FBXO40: variants seen among roughly 807,000 people sequenced by gnomAD.
FBXO40 encodes the protein F-box only protein 40.
Under a neutral mutation model 49.9 loss-of-function variants are expected in FBXO40, and 50 were observed. That is an observed-to-expected ratio of 1.00 (90% confidence interval 0.80 to 1.27). The LOEUF is 1.27. FBXO40 is among the 50% of genes most tolerant of loss of function. FBXO40 has a pLI of 0.00. For synonymous variants in FBXO40, 340 were observed against 320.2 expected (o/e 1.06, Z -0.66); for missense variants, 895 against 870.1 (o/e 1.03, Z -0.36).
At chr3:121,604,736 A>G (rs1438444961) in intron 1 of FBXO40, among the ~76,000 whole-genome samples, 7 of 152,206 alleles carry the variant, frequency 4.6e-5, no homozygotes, top group African/African-American at 1.7e-4. Flanking sequence ...CCTTATGCAT[A>G]TAATACATTT....
Position 121,627,687 on chromosome 3 carries a change from G to GTT in FBXO40, c.*777_*778insTT. ...ACTTACTTTGTAACATTTTAATAAT[G>GTT]ACTTAAGGGTCAAGATTTTTTTCTT... On this transcript the variant is annotated 3_prime_UTR_variant, in exon 4 of 4. Transcript: ENST00000338040. 2.5e-6 allele frequency: 1 copy of GTT among 395,778 alleles called. No individual in the cohort carries two copies. The highest frequency in any genetic ancestry group is 4.4e-6 in the Non-Finnish European group (1 of 225,222). 24.5% of individuals were successfully genotyped at this position (395,778 alleles called of 1,614,324 possible).
chr3:121,611,156 C>T (rs745938588), intron 1 of FBXO40, among the ~76,000 whole-genome samples: 124 of 152,052 alleles, frequency 8.2e-4, no homozygotes, highest in East Asian at 3.9e-4. Flanking sequence ...TCGGGTGGGA[C>T]GAGAGACTGA....
chr3:121,613,318 C>G (rs1348278276), intron 1 of FBXO40, among the ~76,000 whole-genome samples: 1 of 152,136 alleles, frequency 6.6e-6, no homozygotes, highest in Non-Finnish European at 1.5e-5. Context: ...CCAGTAGGGT[C>G]CCCTTGTTCA....
At chr3:121,617,461 G>T (rs1218811162) in intron 1 of FBXO40, among the ~76,000 whole-genome samples, 2 of 151,976 alleles carry the variant, frequency 1.3e-5, no homozygotes, top group African/African-American at 4.8e-5. Flanking sequence ...TGGGCATGGT[G>T]GTGGGCACCT....
chr3:121,623,120 G>A lies in FBXO40; in HGVS notation c.1691G>A (p.Gly564Asp). ...SEGRKNNHLL[G>D]HGGKSQNSLT... is the part of the protein sequence containing the mutation. ...GGAAGGAAGAACAACCATCTTTTGG[G>A]TCATGGAGGAAAAAGCCAGAATTCT... The change falls in exon 3 of 4, where the codon GGT becomes GAT. Residue 564 changes from glycine (G) to aspartate (D), a missense_variant. Coordinates refer to ENST00000338040, the MANE Select transcript of FBXO40 (RefSeq NM_016298.4). The A allele has an allele frequency of 6.2e-7, 1 of 1,614,216 alleles. No individual in the cohort carries two copies. The highest frequency in any genetic ancestry group is 8.5e-7 in the Non-Finnish European group (1 of 1,180,044).
chr3:121,597,019 T>G (rs1243671067), intron 1 of FBXO40, among the ~76,000 whole-genome samples: 1 of 152,152 alleles, frequency 6.6e-6, no homozygotes, highest in African/African-American at 2.4e-5. Flanking sequence ...CTGTTGATAT[T>G]CCGGTCAGAC....
rs1297315126 is a variant in FBXO40 at position 121,628,718 on chromosome 3, A to T, written c.*1808A>T. ...AATCTTATCGCACATAGCTATCCAC[A>T]ATAGTTATGATTTAATGCAGCTCTT... is the stretch of plus-strand genomic sequence containing the variant. On this transcript the variant is annotated 3_prime_UTR_variant, in exon 4 of 4. Transcript: ENST00000338040. 6.6e-6 allele frequency: 1 copy of T among 152,180 alleles called. No individual in the cohort carries two copies. The highest frequency in any genetic ancestry group is 2.4e-5 in the African/African-American group (1 of 41,438). The allele number at this position is 152,180 out of a possible 1,614,324, so 9.4% of individuals were successfully genotyped here.
chr3:121,600,842 G>A (rs777537139), intron 1 of FBXO40, among the ~76,000 whole-genome samples: 1 of 152,188 alleles, frequency 6.6e-6, no homozygotes, highest in Non-Finnish European at 1.5e-5. Flanking sequence ...CTCTGCCTCC[G>A]TGACACCCAA....
intron 1 of FBXO40, among the ~76,000 whole-genome samples, chr3:121,615,200 C>CAAAAAA (rs11448457): frequency 1.4e-5 from 1 of 69,396 alleles, no homozygotes; most frequent in Non-Finnish European, 2.5e-5. Flanking sequence ...GAGAGCATCT[C>CAAAAAA]AAAAAAAAAA....
At chr3:121,604,820 A>G (rs1184176749) in intron 1 of FBXO40, among the ~76,000 whole-genome samples, 1 of 152,150 alleles carries the variant, frequency 6.6e-6, no homozygotes, top group African/African-American at 2.4e-5. Flanking sequence ...TGACCTCAAC[A>G]TGCCAGATAG....
chr3:121,620,116 C>A (rs906647701), intron 1 of FBXO40, among the ~76,000 whole-genome samples: 10 of 152,192 alleles, frequency 6.6e-5, no homozygotes, highest in African/African-American at 2.4e-4. Flanking sequence ...TCAGACTAAC[C>A]TCTAAGTGGA....
In FBXO40 at chr3:121,617,700, C is replaced by T. The variant is rs1482833979; in HGVS notation, c.-30-2846C>T. Reference sequence around the variant, plus strand: ...TAATGAACAATAATTTATTGTATATCTCAAAATAACTAAAAGAGGCCAGGC... The same window carrying T: ...TAATGAACAATAATTTATTGTATATTTCAAAATAACTAAAAGAGGCCAGGC... On this transcript the variant is annotated intron_variant, in intron 1 of 3. Coordinates refer to ENST00000338040, the MANE Select transcript of FBXO40 (RefSeq NM_016298.4). Among the ~76,000 whole-genome samples the T allele has an allele frequency of 3.3e-5, 5 of 150,662 alleles. No homozygotes were observed. The South Asian group carries it at 1.1e-3, about 32-fold the overall frequency.
At chr3:121,615,217 A>AT (rs1347272759) in intron 1 of FBXO40, among the ~76,000 whole-genome samples, 2 of 150,400 alleles carry the variant, frequency 1.3e-5, no homozygotes, top group East Asian at 3.9e-4. Flanking sequence ...AAAAAAAAAA[A>AT]AAAAGTAGCA....
chr3:121,620,630 C>T (rs757704341), intron 2 of FBXO40, 52 bp downstream of exon 2: 14 of 1,611,058 alleles, frequency 8.7e-6, no homozygotes, highest in Admixed American at 3.3e-5. Context: ...CCAGGTCTTC[C>T]TTCATTTATC....
Position 121,623,000 on chromosome 3 carries a change from A to C in FBXO40, c.1571A>C (p.His524Pro), listed in dbSNP as rs763123334. Reference sequence around the variant, plus strand: ...TTGGGATGTACATTTGTTCAAAACCATTTCCGTCCCCCAGGGCAAAAGGCA... The same window carrying C: ...TTGGGATGTACATTTGTTCAAAACCCTTTCCGTCCCCCAGGGCAAAAGGCA... The part of the protein sequence containing the change: ...AYLGCTFVQN[H>P]FRPPGQKAKV... Residue 524 changes from histidine to proline, a missense_variant, in exon 3 of 4, where the codon CAT becomes CCT. Transcript: ENST00000338040. 1 of 1,614,208 alleles carries C rather than the reference A, an allele frequency of 6.2e-7. No individual in the cohort carries two copies. The highest frequency in any genetic ancestry group is 1.1e-5 in the South Asian group (1 of 91,078).
Position 121,621,778 on chromosome 3 carries a change from A to G in FBXO40, c.349A>G (p.Lys117Glu). The G allele has an allele frequency of 3.1e-6, 5 of 1,614,234 alleles. No individual in the cohort carries two copies. The highest frequency in any genetic ancestry group is 4.2e-6 in the Non-Finnish European group (5 of 1,180,036). ...AACCACCCTTCATGAAAACATCATG[A>G]AAGAGACCCCCAGTGAGGAGTGTTT... ...SETTLHENIM[K>E]ETPSEECLDT... The change falls in exon 3 of 4, where the codon AAA becomes GAA. Residue 117 changes from lysine (K) to glutamate (E), a missense_variant. Physicochemically the swap from Lys to Glu is moderately conservative, Grantham distance 56. Transcript: ENST00000338040.
intron 1 of FBXO40, among the ~76,000 whole-genome samples, chr3:121,601,894 GC>G (rs1165692746): frequency 6.6e-6 from 1 of 152,184 alleles, no homozygotes; most frequent in Non-Finnish European, 1.5e-5. Context: ...CATTCTCTCA[GC>G]CAGGACAGGC....
rs1320726452 is a variant in FBXO40 at position 121,629,041 on chromosome 3, A to C, written c.*2131A>C. ...GGATAAAGAATTTAGCCAACAAAAG[A>C]AACAATCTAGTCAATCTGGGTGCTT... On this transcript the variant is annotated 3_prime_UTR_variant, in exon 4 of 4. Coordinates refer to ENST00000338040, the MANE Select transcript of FBXO40 (RefSeq NM_016298.4). 6.6e-6 allele frequency: 1 copy of C among 152,220 alleles called. No homozygotes were observed. The highest frequency in any genetic ancestry group is 1.9e-4 in the East Asian group (1 of 5,200). The allele number at this position is 152,220 out of a possible 1,614,324, so 9.4% of individuals were successfully genotyped here. A position where few individuals can be genotyped will look rare whatever the true frequency, so the allele number is the denominator to read the frequency against.
intron 1 of FBXO40, among the ~76,000 whole-genome samples, chr3:121,597,375 G>A (rs984230363): frequency 2.0e-5 from 3 of 152,010 alleles, no homozygotes; most frequent in African/African-American, 7.3e-5. Context: ...AAAGTGGGGG[G>A]AAGTGTGGAG....
Sources: gnomAD v4.1 joint callset for allele counts (sites outside exome capture counted in the v4.1 genomes callset) on GRCh38, gnomAD v4.1.1 for gene constraint, MANE v1.5 for transcripts, NCBI Gene and HGNC (gene_info 2026-07-23, HGNC 2026-07-21) for gene names.